The following CMIP variants were observed in gnomAD, a reference collection of about 807,000 sequenced individuals.
The protein encoded by CMIP is C-Maf-inducing protein.
In CMIP, 13 loss-of-function variants were observed where a neutral mutation model predicts 97.3. The ratio of observed to expected loss-of-function variants is 0.13; its 90% CI spans 0.09 to 0.21. CMIP has a LOEUF of 0.21. CMIP is among the 10% of genes least tolerant of loss of function. The pLI, the probability that CMIP is intolerant of heterozygous loss-of-function variation, is 1.00. For missense variants in CMIP, 847 were observed against 1,024.9 expected (o/e 0.83, Z 2.37); for synonymous variants, 538 against 436.3 (o/e 1.23, Z -2.91).
At chr16:81,649,732 TAGA>T (rs1205580027) in intron 3 of CMIP, among the ~76,000 whole-genome samples, 3 of 152,326 alleles carry the variant, frequency 2.0e-5, no homozygotes, top group African/African-American at 7.2e-5. Context: ...AGAGTCCACT[TAGA>T]GCCCAGACTC....
chr16:81,551,362 T>A (rs1035087610), intron 1 of CMIP, among the ~76,000 whole-genome samples: 1 of 152,270 alleles, frequency 6.6e-6, no homozygotes, highest in African/African-American at 2.4e-5. Flanking sequence ...TAGTCACTTC[T>A]AGCTAATTAG....
Position 81,671,911 on chromosome 16 carries a change from G to A in CMIP, c.930-55G>A, listed in dbSNP as rs1597228415. On this transcript the variant is annotated intron_variant, in intron 8 of 20. Coordinates refer to ENST00000537098, the MANE Select transcript of CMIP (RefSeq NM_198390.3). Reference sequence around the variant, plus strand: ...CGCCCTCCCTTTCCCCCCTTACCCTGTCCATGGGCCCCACTCCTGCAGGCT... The same window carrying A: ...CGCCCTCCCTTTCCCCCCTTACCCTATCCATGGGCCCCACTCCTGCAGGCT... The A allele has an allele frequency of 6.4e-6, 6 of 937,200 alleles. No individual in the cohort carries two copies. In the East Asian group the frequency reaches 1.6e-4, roughly 25 times the overall value. The allele number at this position is 937,200 out of a possible 1,614,324, so 58.1% of individuals were successfully genotyped here. A position where few individuals can be genotyped will look rare whatever the true frequency, so the allele number is the denominator to read the frequency against.
At chr16:81,664,189 T>TCCCCAGC in intron 6 of CMIP, 80 bp from the exon 7 acceptor site, 1 of 1,353,964 alleles carries the variant, frequency 7.4e-7, no homozygotes, top group Non-Finnish European at 1.0e-6. Flanking sequence ...GGGCTGACTG[T>TCCCCAGC]CCCCAGCCCT....
chr16:81,544,123 C>T (rs566404405), intron 1 of CMIP, among the ~76,000 whole-genome samples: 46 of 152,330 alleles, frequency 3.0e-4, no homozygotes, highest in African/African-American at 1.0e-3. Flanking sequence ...ACGCTGGACA[C>T]GCAGGGGTCC....
intron 3 of CMIP, among the ~76,000 whole-genome samples, chr16:81,629,303 C>G (rs1359005858): frequency 1.3e-5 from 2 of 152,090 alleles, no homozygotes; most frequent in Non-Finnish European, 2.9e-5. Flanking sequence ...ACACTCAGGA[C>G]TGACCCGCTT....
At chr16:81,544,947 A>T (rs142909924) in intron 1 of CMIP, among the ~76,000 whole-genome samples, 9 of 152,166 alleles carry the variant, frequency 5.9e-5, no homozygotes, top group Non-Finnish European at 1.0e-4. Flanking sequence ...TTTGGCAGAG[A>T]AGGCTGCCAA....
At chr16:81,554,738 C>A (rs1567576127) in intron 1 of CMIP, among the ~76,000 whole-genome samples, 1 of 152,146 alleles carries the variant, frequency 6.6e-6, no homozygotes, top group Non-Finnish European at 1.5e-5. Context: ...CTTCTCTGGG[C>A]CTCAGTTCTT....
chr16:81,452,870 T>G (rs1248834787), intron 1 of CMIP, among the ~76,000 whole-genome samples: 2 of 123,450 alleles, frequency 1.6e-5, no homozygotes, highest in Non-Finnish European at 3.1e-5. Context: ...TTTTCTTTTG[T>G]TTTTTTTTTG....
At chr16:81,583,243 G>A (rs972237726) in intron 1 of CMIP, among the ~76,000 whole-genome samples, 1 of 152,208 alleles carries the variant, frequency 6.6e-6, no homozygotes, top group Non-Finnish European at 1.5e-5. Flanking sequence ...GACAGCATTG[G>A]GCAAGTCCTG....
intron 1 of CMIP, among the ~76,000 whole-genome samples, chr16:81,482,038 C>G (rs1337174512): frequency 2.0e-5 from 3 of 152,104 alleles, no homozygotes; most frequent in African/African-American, 7.2e-5. Flanking sequence ...GCCACCACAC[C>G]TAGCTAATTT....
intron 1 of CMIP, among the ~76,000 whole-genome samples, chr16:81,489,765 C>T (rs1270005924): frequency 3.3e-5 from 5 of 152,178 alleles, no homozygotes; most frequent in East Asian, 3.9e-4. Flanking sequence ...TAGTGCCCAG[C>T]GAAGGGCCCT....
intron 1 of CMIP, among the ~76,000 whole-genome samples, chr16:81,591,460 T>C (rs1388576441): frequency 6.6e-6 from 1 of 152,194 alleles, no homozygotes. Context: ...CTTTCCATAC[T>C]GGCATCTGGG....
chr16:81,460,732 A>G (rs1906850995), intron 1 of CMIP, among the ~76,000 whole-genome samples: 1 of 152,186 alleles, frequency 6.6e-6, no homozygotes, highest in Admixed American at 6.6e-5. Context: ...TTTAGAGTTC[A>G]GAGCAACCAA....
chr16:81,537,554 A>G (rs1430062648), intron 1 of CMIP, among the ~76,000 whole-genome samples: 21 of 134,362 alleles, frequency 1.6e-4, no homozygotes, highest in Admixed American at 1.4e-3. Context: ...GACAAAAAAA[A>G]AAAAAAAAAA....
At chr16:81,694,789 T>C (rs1026854750) in intron 13 of CMIP, among the ~76,000 whole-genome samples, 8 of 152,200 alleles carry the variant, frequency 5.3e-5, no homozygotes, top group African/African-American at 1.9e-4. Flanking sequence ...AACCGAGTTC[T>C]GGAGGGATCT....
chr16:81,594,452 C>A (rs2091517445), intron 1 of CMIP, among the ~76,000 whole-genome samples: 1 of 151,278 alleles, frequency 6.6e-6, no homozygotes, highest in African/African-American at 2.4e-5. Flanking sequence ...TAATCTAATT[C>A]AAAGTGTACA....
Position 81,593,677 on chromosome 16 carries a change from G to A in CMIP, c.301-13890G>A, listed in dbSNP as rs371687472. 3.9e-5 allele frequency among the ~76,000 whole-genome samples: 6 copies of A among 152,322 alleles called. No homozygotes were observed. The East Asian group carries it at 9.7e-4, about 25-fold the overall frequency. On this transcript the variant is annotated intron_variant, in intron 1 of 20. Coordinates refer to ENST00000537098, the MANE Select transcript of CMIP (RefSeq NM_198390.3). ...CCCGCCGACCACCTGGCGCGTCTGG[G>A]CATTGAGCTCATTGGCCGCTGGCAC...
chr16:81,575,002 G>A (rs970577928), intron 1 of CMIP, among the ~76,000 whole-genome samples: 3 of 152,200 alleles, frequency 2.0e-5, no homozygotes, highest in South Asian at 2.1e-4. Context: ...TAATGGGGAT[G>A]GATACTCATT....
At chr16:81,670,092 C>T (rs766098567) in intron 7 of CMIP, 50 bp from the exon 8 acceptor site, 9 of 1,551,488 alleles carry the variant, frequency 5.8e-6, no homozygotes, top group Middle Eastern at 1.9e-4. Flanking sequence ...GCCCTGGGCT[C>T]CTGCCCTGCC....
Sources: gnomAD v4.1 joint callset for allele counts (sites outside exome capture counted in the v4.1 genomes callset) on GRCh38, gnomAD v4.1.1 for gene constraint, MANE v1.5 for transcripts, NCBI Gene and HGNC (gene_info 2026-07-23, HGNC 2026-07-21) for gene names.